EPB41: variants seen among roughly 807,000 people sequenced by gnomAD.
The protein encoded by EPB41 is erythrocyte membrane protein band 4.1, also known as protein 4.1.
In EPB41, 65 loss-of-function variants were observed where a neutral mutation model predicts 108.0. That is an observed-to-expected ratio of 0.60 (90% CI 0.49 to 0.74). The LOEUF (loss-of-function observed/expected upper bound fraction) is 0.74. Ranked by LOEUF, EPB41 falls within the 30% of genes least tolerant of loss-of-function variation. EPB41 has a pLI of 0.00. For synonymous variants in EPB41, 336 were observed against 358.9 expected, an observed-to-expected ratio of 0.94 and a Z score of 0.72; for missense variants, 875 against 1,037.0, an observed-to-expected ratio of 0.84 and a Z score of 2.15.
intron 1 of EPB41, among the ~76,000 whole-genome samples, chr1:28,941,345 T>C (rs1338810904): frequency 1.3e-5 from 2 of 151,844 alleles, no homozygotes; most frequent in Admixed American, 6.6e-5. Context: ...GCACCACTGC[T>C]CTCCAGCCTG....
chr1:28,979,714 CTT>C (rs34603544), intron 1 of EPB41, among the ~76,000 whole-genome samples: 9 of 145,476 alleles, frequency 6.2e-5, no homozygotes, highest in East Asian at 3.9e-4. Flanking sequence ...ACTGTCCTCA[CTT>C]TTTTTTTTTT....
intron 1 of EPB41, among the ~76,000 whole-genome samples, chr1:28,919,015 A>G (rs1008195584): frequency 6.6e-6 from 1 of 152,004 alleles, no homozygotes; most frequent in Non-Finnish European, 1.5e-5. Flanking sequence ...TAATGAATAC[A>G]TAGAAAGATA....
intron 9 of EPB41, among the ~76,000 whole-genome samples, chr1:29,034,973 G>GTTTTTTTTTTTT (rs10580931): frequency 6.9e-5 from 6 of 87,184 alleles, no homozygotes; most frequent in Non-Finnish European, 1.1e-4. Flanking sequence ...TTTGTTTGTT[G>GTTTTTTTTTTTT]TTTTTTTTTT....
chr1:28,982,598 T>G, intron 1 of EPB41: 1 of 1,501,562 alleles, frequency 6.7e-7, no homozygotes, highest in South Asian at 1.1e-5. Context: ...CCAGGTTTCA[T>G]GAACTTGCCC....
chr1:29,041,566 G>A (rs192157669), intron 11 of EPB41: 5 of 152,126 alleles, frequency 3.3e-5, no homozygotes, highest in Admixed American at 3.3e-4. Context: ...TGTTACCAGT[G>A]TACAAGCCTA....
At chr1:28,999,215 A>G (rs1425268257) in intron 4 of EPB41, among the ~76,000 whole-genome samples, 1 of 152,034 alleles carries the variant, frequency 6.6e-6, no homozygotes, top group African/African-American at 2.4e-5. Flanking sequence ...CTAAAAATAC[A>G]AAAAATTAGC....
intron 11 of EPB41, among the ~76,000 whole-genome samples, chr1:29,049,033 C>T (rs1644029959): frequency 6.6e-6 from 1 of 152,002 alleles, no homozygotes; most frequent in Admixed American, 6.6e-5. Flanking sequence ...GATGGTGTAT[C>T]AGGGAAACTT....
chr1:28,941,850 TGCCATTGCACTCCA>T (rs1033776287), intron 1 of EPB41, among the ~76,000 whole-genome samples: 1 of 134,190 alleles, frequency 7.5e-6, no homozygotes, highest in African/African-American at 2.8e-5. Flanking sequence ...GCTGAGATGG[TGCCATTGCACTCCA>T]GCCTGGGCAA....
At chr1:28,906,659 T>C (rs968800109) in intron 1 of EPB41, among the ~76,000 whole-genome samples, 1 of 152,196 alleles carries the variant, frequency 6.6e-6, no homozygotes, top group African/African-American at 2.4e-5. Flanking sequence ...TTCACATCAT[T>C]TCCAAAGTGC....
intron 1 of EPB41, among the ~76,000 whole-genome samples, chr1:28,971,905 C>CT (rs1334210325): frequency 1.3e-5 from 2 of 151,834 alleles, no homozygotes; most frequent in African/African-American, 4.8e-5. Context: ...CACTTTGACA[C>CT]TTTTTTTTCT....
chr1:28,903,105 G>A (rs1038136415), intron 1 of EPB41, among the ~76,000 whole-genome samples: 1 of 152,152 alleles, frequency 6.6e-6, no homozygotes, highest in Non-Finnish European at 1.5e-5. Flanking sequence ...AATTAAATAA[G>A]AGAATGCAGT....
chr1:29,113,178 A>G (rs1234154110), intron 19 of EPB41, among the ~76,000 whole-genome samples: 2 of 152,202 alleles, frequency 1.3e-5, no homozygotes, highest in African/African-American at 4.8e-5. Context: ...GCAATTAGCA[A>G]ATAATAAGGT....
intron 1 of EPB41, among the ~76,000 whole-genome samples, chr1:28,949,865 G>A (rs1185283290): frequency 5.3e-5 from 8 of 152,142 alleles, no homozygotes; most frequent in East Asian, 1.9e-4. Context: ...GCCTCCCAAA[G>A]TGCTGGGATT....
intron 17 of EPB41, among the ~76,000 whole-genome samples, chr1:29,103,672 A>G (rs573296663): frequency 1.6e-4 from 24 of 151,718 alleles, no homozygotes; most frequent in Non-Finnish European, 2.5e-4. Flanking sequence ...TTGTTTGTTT[A>G]TTTATTTATT....
intron 1 of EPB41, among the ~76,000 whole-genome samples, chr1:28,937,821 A>G (rs563566216): frequency 6.6e-6 from 1 of 152,340 alleles, no homozygotes; most frequent in African/African-American, 2.4e-5. Context: ...TAGGAATTTT[A>G]TGTTAGCTCT....
At chr1:28,922,896 G>A (rs1168648528) in intron 1 of EPB41, among the ~76,000 whole-genome samples, 1 of 151,584 alleles carries the variant, frequency 6.6e-6, no homozygotes, top group East Asian at 1.9e-4. Flanking sequence ...CAAAGTGCTG[G>A]AATTACAGGT....
chr1:28,953,749 C>G (rs578066289), intron 1 of EPB41, among the ~76,000 whole-genome samples: 1 of 152,198 alleles, frequency 6.6e-6, no homozygotes, highest in African/African-American at 2.4e-5. Flanking sequence ...AGTTAGATCT[C>G]ATTTTCATCT....
At chr1:29,110,627 A>G (rs1486733444) in intron 18 of EPB41, among the ~76,000 whole-genome samples, 1 of 152,204 alleles carries the variant, frequency 6.6e-6, no homozygotes, top group African/African-American at 2.4e-5. Context: ...CTAGAGGAAA[A>G]TACTTTTTTT....
intron 1 of EPB41, chr1:28,893,942 G>A (rs1275990189): frequency 6.6e-6 from 1 of 152,262 alleles, no homozygotes; most frequent in Non-Finnish European, 1.5e-5. Flanking sequence ...GGGGGTAGGG[G>A]TGGAAATGCT....
Sources: gnomAD v4.1 joint callset for allele counts (sites outside exome capture counted in the v4.1 genomes callset) on GRCh38, gnomAD v4.1.1 for gene constraint, MANE v1.5 for transcripts, NCBI Gene and HGNC (gene_info 2026-07-23, HGNC 2026-07-21) for gene names.